The following PAM variants were observed in gnomAD, a reference collection of about 807,000 sequenced individuals.
The protein encoded by PAM is peptidyl-glycine alpha-amidating monooxygenase.
In PAM, 72 loss-of-function variants were observed where a neutral mutation model predicts 122.1. The ratio of observed to expected loss-of-function variants is 0.59; its 90% CI spans 0.49 to 0.72. The LOEUF is 0.72. PAM is among the 30% of genes least tolerant of loss of function. The pLI is 0.00. For missense variants in PAM, 1,106 were observed against 1,183.7 expected (o/e 0.93, Z 0.96); for synonymous variants, 389 against 404.4 (o/e 0.96, Z 0.46).
chr5:102,801,118 T>C (rs1764603875), intron 1 of PAM, among the ~76,000 whole-genome samples: 1 of 152,200 alleles, frequency 6.6e-6, no homozygotes, highest in African/African-American at 2.4e-5. Flanking sequence ...TTGCTTACTG[T>C]AACAAGTTAT....
chr5:103,010,896 C>T (rs1037863370), intron 21 of PAM, among the ~76,000 whole-genome samples: 2 of 152,012 alleles, frequency 1.3e-5, no homozygotes, highest in South Asian at 2.1e-4. Context: ...AATTGGGTAT[C>T]CATCCCCTCA....
rs115586257 is a variant in PAM at position 102,792,513 on chromosome 5, G to A, written c.-374+37165G>A. On this transcript the variant is annotated intron_variant, in intron 1 of 25. Coordinates refer to ENST00000438793, the MANE Select transcript of PAM (RefSeq NM_001177306.2). Reference sequence around the variant, plus strand: ...TTAAGGTCTTTTTGGTTGCCTTTGGGCACTTTGTGTGCACTCTTTTCTGCT... The same window carrying A: ...TTAAGGTCTTTTTGGTTGCCTTTGGACACTTTGTGTGCACTCTTTTCTGCT... Among the ~76,000 whole-genome samples the A allele has an allele frequency of 2.1e-3, 325 of 152,238 alleles. 1 individual carries two copies. The highest frequency in any genetic ancestry group is 7.5e-3 in the African/African-American group (310 of 41,550).
At chr5:102,889,930 C>T (rs186905724) in intron 3 of PAM, among the ~76,000 whole-genome samples, 41 of 152,034 alleles carry the variant, frequency 2.7e-4, no homozygotes, top group Admixed American at 2.4e-3. Context: ...TTGTCTCATC[C>T]ATTAGATTCT....
intron 4 of PAM, among the ~76,000 whole-genome samples, chr5:102,903,731 T>A (rs1475762785): frequency 6.6e-6 from 1 of 151,562 alleles, no homozygotes; most frequent in East Asian, 1.9e-4. Context: ...AGCTTTTTAC[T>A]AGCTATGTAT....
At chr5:102,855,935 G>A (rs1303235535) in intron 1 of PAM, among the ~76,000 whole-genome samples, 1 of 151,912 alleles carries the variant, frequency 6.6e-6, no homozygotes, top group Non-Finnish European at 1.5e-5. Flanking sequence ...GCAGTACAAA[G>A]CATTAATGCA....
At chr5:102,877,454 C>T (rs1010291280) in intron 3 of PAM, among the ~76,000 whole-genome samples, 1 of 152,190 alleles carries the variant, frequency 6.6e-6, no homozygotes, top group African/African-American at 2.4e-5. Context: ...TTAGAATCTA[C>T]ATTTCTCTCT....
At chr5:102,863,464 A>T (rs963763321) in intron 1 of PAM, among the ~76,000 whole-genome samples, 1 of 151,960 alleles carries the variant, frequency 6.6e-6, no homozygotes, top group Admixed American at 6.6e-5. Context: ...CAAAATTCTG[A>T]GTCTCTTTTT....
At chr5:102,981,139 C>T (rs1225885581) in intron 15 of PAM, among the ~76,000 whole-genome samples, 1 of 152,220 alleles carries the variant, frequency 6.6e-6, no homozygotes, top group South Asian at 2.1e-4. Flanking sequence ...TTGCAGACTT[C>T]CAAGCACTTA....
intron 19 of PAM, among the ~76,000 whole-genome samples, 197 bp downstream of exon 19, chr5:103,007,208 C>A (rs1779285014): frequency 6.6e-6 from 1 of 151,372 alleles, no homozygotes; most frequent in South Asian, 2.1e-4. Context: ...CACACACACA[C>A]ACACACACAC....
intron 1 of PAM, among the ~76,000 whole-genome samples, chr5:102,766,865 T>G (rs1754095807): frequency 6.6e-6 from 1 of 151,550 alleles, no homozygotes; most frequent in South Asian, 2.1e-4. Flanking sequence ...AATTCATATA[T>G]TTATTCGTAT....
intron 1 of PAM, among the ~76,000 whole-genome samples, chr5:102,809,405 T>C (rs1767228216): frequency 6.8e-6 from 1 of 148,096 alleles, no homozygotes; most frequent in Non-Finnish European, 1.5e-5. Flanking sequence ...TTAAATTTAA[T>C]GGAAGTGGTA....
In PAM at chr5:102,990,360, C is replaced by A. The variant is rs1773663985; in HGVS notation, c.1572C>A (p.Asn524Lys). 2 of 1,608,404 alleles carry A rather than the reference C, an allele frequency of 1.2e-6. No homozygotes were observed. The highest frequency in any genetic ancestry group is 2.2e-5 in the East Asian group (1 of 44,744). The change falls in exon 16 of 26, where the codon AAC (asparagine) becomes AAA (lysine). Residue 524 changes from asparagine (N) to lysine (K), a missense_variant. Around this residue, in one of 3 missense-constraint regions of PAM, gnomAD observed 670 missense variants for 690.3 expected, o/e 0.97. Coordinates refer to ENST00000438793, the MANE Select transcript of PAM (RefSeq NM_001177306.2). ...GGGTGGCTCTAGACCCTAAGAATAACCTGGTGATTTTCCACAGAGGTGACC... is the reference window on the plus strand; with the variant it reads ...GGGTGGCTCTAGACCCTAAGAATAAACTGGTGATTTTCCACAGAGGTGACC... The part of the protein sequence containing the change: ...VSGVALDPKN[N>K]LVIFHRGDHV...
chr5:102,867,458 A>C, intron 3 of PAM, 65 bp downstream of exon 3: 1 of 1,250,256 alleles, frequency 8.0e-7, no homozygotes, highest in Non-Finnish European at 1.1e-6. Flanking sequence ...AAAGTAAGGA[A>C]ACTGCATTTA....
At chr5:102,985,583 T>C (rs1423601415) in intron 15 of PAM, among the ~76,000 whole-genome samples, 1 of 151,888 alleles carries the variant, frequency 6.6e-6, no homozygotes, top group Non-Finnish European at 1.5e-5. Flanking sequence ...CAATAACAGG[T>C]AATGAGATTG....
chr5:102,956,216 G>A (rs1270583000), intron 12 of PAM, among the ~76,000 whole-genome samples: 1 of 151,982 alleles, frequency 6.6e-6, no homozygotes, highest in East Asian at 1.9e-4. Flanking sequence ...GTGTGTAAAG[G>A]CAAACACATT....
At chr5:102,940,909 T>C (rs1449848315) in intron 7 of PAM, among the ~76,000 whole-genome samples, 13 of 152,182 alleles carry the variant, frequency 8.5e-5, no homozygotes, top group Non-Finnish European at 1.6e-4. Context: ...GTATCAGAGT[T>C]CAATAAAGAG....
chr5:102,941,007 T>C (rs1370737537), intron 7 of PAM, among the ~76,000 whole-genome samples: 1 of 152,212 alleles, frequency 6.6e-6, no homozygotes, highest in Non-Finnish European at 1.5e-5. Flanking sequence ...ATCTTTTAAT[T>C]TTACTTTCTT....
chr5:102,962,858 C>T (rs1762900246), intron 14 of PAM, among the ~76,000 whole-genome samples: 1 of 151,664 alleles, frequency 6.6e-6, no homozygotes, highest in Admixed American at 6.6e-5. Context: ...CAGAGGTGAA[C>T]ATTATCTATA....
rs1458529528 is a variant in PAM at position 102,803,142 on chromosome 5, AAAGAAAGGAAGGAAGGAAGGAAGGAAGG to A, written c.-374+47798_-374+47825del. On this transcript the variant is annotated intron_variant, in intron 1 of 25. Coordinates refer to ENST00000438793, the MANE Select transcript of PAM (RefSeq NM_001177306.2). ...TGTGTCCAAAAAAAAAGAAAGAAAGAAAGAAAGGAAGGAAGGAAGGAAGGAAGGAAGGAAGGAAGGAAGGAAGGAAGGA... is the reference window on the plus strand; with the variant it reads ...TGTGTCCAAAAAAAAAGAAAGAAAGAAAGGAAGGAAGGAAGGAAGGAAGGA... Among the ~76,000 whole-genome samples, 27 of 142,132 alleles carry A rather than the reference AAAGAAAGGAAGGAAGGAAGGAAGGAAGG, an allele frequency of 1.9e-4. 1 individual carries two copies. Among genetic ancestry groups the A allele is most frequent in the African/African-American group, 6.9e-4 (26 of 37,480 alleles). 93.2% of individuals were successfully genotyped at this position (142,132 alleles called of 152,430 possible). A position where few individuals can be genotyped will look rare whatever the true frequency, so the allele number is the denominator to read the frequency against.
Sources: allele counts gnomAD v4.1 joint callset (sites outside exome capture counted in the v4.1 genomes callset), GRCh38; gene constraint gnomAD v4.1.1; regional missense constraint gnomAD v4.1.1; transcripts MANE v1.5; gene names NCBI Gene and HGNC (gene_info 2026-07-23, HGNC 2026-07-21).